SPON2: variants seen among roughly 807,000 people sequenced by gnomAD.
SPON2 encodes spondin 2.
SPON2 carries 32 observed loss-of-function variants against 29.9 expected under a neutral mutation model. The ratio of observed to expected loss-of-function variants is 1.07; its 90% CI spans 0.81 to 1.44. The LOEUF (loss-of-function observed/expected upper bound fraction) is 1.44. Ranked by LOEUF, SPON2 falls within the 40% of genes most tolerant of loss-of-function variation. The pLI is 0.00. For missense variants in SPON2, 541 were observed against 455.5 expected, an observed-to-expected ratio of 1.19 and a Z score of -1.71; for synonymous variants, 248 against 209.1, an observed-to-expected ratio of 1.19 and a Z score of -1.61.
rs1330545840 is a variant in SPON2 at position 1,167,227 on chromosome 4, A to C, written c.*245T>G. Reference sequence around the variant, plus strand: ...GATGACTTTATCCTGCAGGAGGAGGAGGCTGAGAGCAGACGGGACACGGGG... The same window carrying C: ...GATGACTTTATCCTGCAGGAGGAGGCGGCTGAGAGCAGACGGGACACGGGG... On this transcript the variant is annotated 3_prime_UTR_variant, in exon 6 of 6. Transcript: ENST00000290902. The C allele has an allele frequency of 5.0e-5, 24 of 480,584 alleles. No individual in the cohort carries two copies. Among genetic ancestry groups the C allele is most frequent in the Non-Finnish European group, 8.1e-5 (22 of 270,488 alleles). The allele number at this position is 480,584 out of a possible 1,614,324, so 29.8% of individuals were successfully genotyped here.
chr4:1,204,650 C>A (rs537332888), intron 1 of SPON2, among the ~76,000 whole-genome samples: 5 of 152,272 alleles, frequency 3.3e-5, no homozygotes, highest in African/African-American at 9.6e-5. Flanking sequence ...TATTTTTCCA[C>A]GTTAACTTCA....
rs1013429085 is a variant in SPON2, at chr4:1,167,380, C to T, written c.*92G>A. The T allele has an allele frequency of 3.7e-5, 50 of 1,358,098 alleles. No homozygotes were observed. In the Middle Eastern group the frequency reaches 7.8e-4, roughly 21 times the overall value. 84.1% of individuals were successfully genotyped at this position (1,358,098 alleles called of 1,614,324 possible). A position where few individuals can be genotyped will look rare whatever the true frequency, so the allele number is the denominator to read the frequency against. On this transcript the variant is annotated 3_prime_UTR_variant, in exon 6 of 6. Coordinates refer to ENST00000290902, the MANE Select transcript of SPON2 (RefSeq NM_012445.4). ...GCGGTCAGGAGCAGCGCGAAACCCC[C>T]TGTGCCCTCGGCCGCCTGCAGCATG...
upstream of SPON2, chr4:1,196,730 A>C (rs1272043): frequency 2.6e-5 from 4 of 152,386 alleles, no homozygotes; most frequent in East Asian, 7.7e-4. Flanking sequence ...ACAGTGAAAC[A>C]TCATCCATGA....
rs527433925 is a variant in SPON2, at chr4:1,202,562, G to A, written c.-234+5318C>T. On this transcript the variant is annotated intron_variant, in intron 1 of 3. Transcript: ENST00000509233. This position sits in a 1 kb window ranked among gnomAD's most constrained non-coding sequence, Gnocchi z 5.4. ...CATGGGGGCAGGGCTGGGCCCCCAC[G>A]GCTTCTGTGGGCTCAGCCCACTCAG... Among the ~76,000 whole-genome samples the A allele has an allele frequency of 7.6e-4, 116 of 152,000 alleles. No individual in the cohort carries two copies. The highest frequency in any genetic ancestry group is 2.6e-3 in the African/African-American group (109 of 41,452).
chr4:1,187,928 A>G (rs1006569982), intron 1 of SPON2, among the ~76,000 whole-genome samples: 1 of 152,124 alleles, frequency 6.6e-6, no homozygotes. Context: ...CAGGCCAGGC[A>G]CAGCAACACA....
chr4:1,205,465 T>A (rs900480041), intron 1 of SPON2, among the ~76,000 whole-genome samples: 1 of 152,206 alleles, frequency 6.6e-6, no homozygotes. Flanking sequence ...GTGGGCTTTG[T>A]CCAGGGAGAG....
rs375247535 is a variant in SPON2 at position 1,186,922 on chromosome 4, T to C, written c.-238-7381A>G. Among the ~76,000 whole-genome samples, 185 of 152,300 alleles carry C rather than the reference T, an allele frequency of 1.2e-3. 4 individuals carry two copies. The South Asian group carries it at 0.037, about 30-fold the overall frequency. On this transcript the variant is annotated intron_variant, in intron 1 of 3. Transcript: ENST00000502483. The stretch of plus-strand genomic sequence containing the variant: ...GAGAATCTGGAACCCTGGAGAACTA[T>C]TGATGGGAATATAAAATGACACAGT...
At chr4:1,173,647 G>T (rs1185741575), upstream of SPON2, among the ~76,000 whole-genome samples, 1 of 152,256 alleles carries the variant, frequency 6.6e-6, no homozygotes, top group Non-Finnish European at 1.5e-5. Flanking sequence ...GAATCACCCA[G>T]AGGGCTTTTA....
intron 1 of SPON2, among the ~76,000 whole-genome samples, chr4:1,193,979 C>G (rs1044152398): frequency 6.6e-6 from 1 of 151,684 alleles, no homozygotes; most frequent in East Asian, 1.9e-4. Flanking sequence ...CTCCCTGTCC[C>G]TCTTCTTTGG....
At chr4:1,178,111 C>G (rs1456292638), upstream of SPON2, among the ~76,000 whole-genome samples, 4 of 148,256 alleles carry the variant, frequency 2.7e-5, no homozygotes, top group Non-Finnish European at 6.0e-5. Context: ...CACCGAGGGC[C>G]TCCCTCCGGC....
intron 1 of SPON2, among the ~76,000 whole-genome samples, chr4:1,203,289 G>A (rs893939116): frequency 5.3e-5 from 8 of 152,342 alleles, no homozygotes; most frequent in African/African-American, 1.9e-4. Context: ...CCGGGCAGCT[G>A]GGAGTCTACT....
chr4:1,170,700 G>A (rs1248324343), intron 4 of SPON2, 124 bp from the exon 5 acceptor site: 2 of 1,227,706 alleles, frequency 1.6e-6, no homozygotes, highest in East Asian at 2.5e-5. Context: ...TGGGGACAGG[G>A]TCCCATGTAC....
intron 1 of SPON2, among the ~76,000 whole-genome samples, chr4:1,204,793 CAGGCCTCAGACCCTCTA>C (rs1437559012): frequency 1.3e-5 from 2 of 152,190 alleles, no homozygotes; most frequent in Non-Finnish European, 2.9e-5. Context: ...GGTCCTCAGT[CAGGCCTCAGACCCTCTA>C]TAACAGGTAT....
chr4:1,192,755 G>A (rs760644908), intron 1 of SPON2, among the ~76,000 whole-genome samples: 7 of 152,200 alleles, frequency 4.6e-5, no homozygotes, highest in Non-Finnish European at 8.8e-5. Flanking sequence ...AGCCCAGAGA[G>A]CACTTGCCCC....
chr4:1,168,508 T>C (rs905647734), intron 5 of SPON2, among the ~76,000 whole-genome samples: 8 of 152,224 alleles, frequency 5.3e-5, no homozygotes, highest in Non-Finnish European at 1.0e-4. Flanking sequence ...GGCCCACACC[T>C]GGAGCAGCCC....
At chr4:1,201,923 C>T (rs1416488749) in intron 1 of SPON2, among the ~76,000 whole-genome samples, 3 of 152,234 alleles carry the variant, frequency 2.0e-5, no homozygotes, top group Non-Finnish European at 4.4e-5. Flanking sequence ...AGTGCTTCAC[C>T]TGGCTCCCGC....
In SPON2 at chr4:1,171,413, C is replaced by G; in HGVS notation, c.294G>C (p.Ala98=). 6.2e-7 allele frequency: 1 copy of G among 1,612,344 alleles called. No individual in the cohort carries two copies. The highest frequency in any genetic ancestry group is 8.5e-7 in the Non-Finnish European group (1 of 1,179,794). Residue 98 remains alanine (A), a synonymous_variant, in exon 3 of 6, where the codon GCG becomes GCC. Transcript: ENST00000290902. ...QYVSNGLRDF[A]ERGEAWALMK... ...TCAGCGCCCAGGCCTCGCCGCGCTC[C>G]GCAAAGTCGCGCAGCCCGTTACTGA...
At chr4:1,174,490 AAAAAAAAAAAAAC>A (rs896598189), upstream of SPON2, among the ~76,000 whole-genome samples, 2 of 150,302 alleles carry the variant, frequency 1.3e-5, no homozygotes, top group African/African-American at 4.9e-5. Flanking sequence ...CCATCTCAAA[AAAAAAAAAAAAAC>A]AAAAAAACAA....
intron 1 of SPON2, among the ~76,000 whole-genome samples, chr4:1,187,314 T>G (rs1727824897): frequency 6.6e-6 from 1 of 152,150 alleles, no homozygotes; most frequent in African/African-American, 2.4e-5. Flanking sequence ...GTACTTAGAA[T>G]AGTCACATTC....
Sources: allele counts gnomAD v4.1 joint callset (sites outside exome capture counted in the v4.1 genomes callset), GRCh38; gene constraint gnomAD v4.1.1; non-coding constraint Gnocchi (gnomAD v3.1); transcripts MANE v1.5; gene names NCBI Gene and HGNC (gene_info 2026-07-23, HGNC 2026-07-21).